The following NCBP2 variants were observed in gnomAD, a reference collection of about 807,000 sequenced individuals.
NCBP2 encodes the protein nuclear cap binding protein subunit 2.
In NCBP2, 8 loss-of-function variants were observed where a neutral mutation model predicts 21.5. That is an observed-to-expected ratio of 0.37 (90% CI 0.22 to 0.67). The LOEUF (loss-of-function observed/expected upper bound fraction) is 0.67. Ranked by LOEUF, NCBP2 falls within the 30% of genes least tolerant of loss-of-function variation. The probability of loss-of-function intolerance (pLI) is 0.56; values close to 1 mark genes in which losing one functional copy is unlikely to be tolerated. For missense variants in NCBP2, 127 were observed against 206.9 expected (o/e 0.61, Z 2.37); for synonymous variants, 92 against 75.8 (o/e 1.21, Z -1.11).
In NCBP2 at chr3:196,936,846, C is replaced by T; in HGVS notation, c.*165G>A. The stretch of plus-strand genomic sequence containing the variant: ...AAGATTCTCAGACAAGAATTAAAGG[C>T]ATTCTTTTGGATTCTGTCCTTTAAT... On this transcript the variant is annotated 3_prime_UTR_variant, in exon 4 of 4. Transcript: ENST00000321256. 2 of 633,888 alleles carry T rather than the reference C, an allele frequency of 3.2e-6. No homozygotes were observed. The highest frequency in any genetic ancestry group is 5.6e-6 in the Non-Finnish European group (2 of 359,000). 39.3% of individuals were successfully genotyped at this position (633,888 alleles called of 1,614,324 possible).
intron 1 of NCBP2, among the ~76,000 whole-genome samples, chr3:196,940,752 A>C (rs1217438401): frequency 6.6e-6 from 1 of 152,250 alleles, no homozygotes; most frequent in East Asian, 1.9e-4. Context: ...TTTAAGTTCA[A>C]AATGGTCAGG....
chr3:196,941,959 C>T (rs1174616458), intron 1 of NCBP2: 1 of 1,536,352 alleles, frequency 6.5e-7, no homozygotes, highest in Admixed American at 2.0e-5. Flanking sequence ...GTAACACCAT[C>T]CTCCCAGAGA....
rs1716213655 is a variant in NCBP2, at chr3:196,935,484, TTA to T, written c.*1525_*1526del. On this transcript the variant is annotated 3_prime_UTR_variant, in exon 4 of 4. Transcript: ENST00000321256. Reference sequence around the variant, plus strand: ...CCACTGTCTCCTGTAGAAATCTGAGTTATGTTGTTTTACTACAAAAGAATATA... The same window carrying T: ...CCACTGTCTCCTGTAGAAATCTGAGTTGTTGTTTTACTACAAAAGAATATA... 6.6e-6 allele frequency: 1 copy of T among 152,222 alleles called. No individual in the cohort carries two copies. Among genetic ancestry groups the T allele is most frequent in the African/African-American group, 2.4e-5 (1 of 41,474 alleles). The allele number at this position is 152,222 out of a possible 1,614,324, so 9.4% of individuals were successfully genotyped here.
At chr3:196,941,661 G>A (rs907027765) in intron 1 of NCBP2, 14 of 558,074 alleles carry the variant, frequency 2.5e-5, no homozygotes, top group Non-Finnish European at 4.1e-5. Flanking sequence ...TAAATAATTG[G>A]GTTAATGAGT....
chr3:196,941,515 C>T, intron 1 of NCBP2: 1 of 209,482 alleles, frequency 4.8e-6, no homozygotes, highest in East Asian at 1.2e-4. Context: ...CTTCCTTTCC[C>T]AGTCACAAGG....
intron 1 of NCBP2, chr3:196,941,894 C>A: frequency 2.0e-6 from 3 of 1,535,612 alleles, no homozygotes; most frequent in Non-Finnish European, 1.7e-6. Flanking sequence ...CGAAGCTTCC[C>A]CGAGGGCGGA....
chr3:196,941,155 T>C (rs1007719716), intron 1 of NCBP2: 3 of 152,108 alleles, frequency 2.0e-5, no homozygotes, highest in African/African-American at 7.2e-5. Flanking sequence ...TGGAGTGCAG[T>C]GGCGCGATCT....
In NCBP2 at chr3:196,936,991, A is replaced by G; in HGVS notation, c.*20T>C. On this transcript the variant is annotated 3_prime_UTR_variant, in exon 4 of 4. Transcript: ENST00000321256. ...TCAACAGGCCAAAGGAGTGTTTGTC[A>G]CTGACAGAGCTCTCACCACTCACTG... The G allele has an allele frequency of 6.2e-7, 1 of 1,612,758 alleles. No homozygotes were observed.
chr3:196,935,600 C>A lies in NCBP2; in HGVS notation c.*1411G>T, dbSNP rs1359240809. The A allele has an allele frequency of 6.6e-6, 1 of 152,212 alleles. No individual in the cohort carries two copies. The highest frequency in any genetic ancestry group is 1.9e-4 in the East Asian group (1 of 5,204). The allele number at this position is 152,212 out of a possible 1,614,324, so 9.4% of individuals were successfully genotyped here. On this transcript the variant is annotated 3_prime_UTR_variant, in exon 4 of 4. Transcript: ENST00000321256. ...TGCAAAGTTTCTTCCTAAGCACTTACAACTAGTTACAGCTCTTTTAAAAAT... is the reference window on the plus strand; with the variant it reads ...TGCAAAGTTTCTTCCTAAGCACTTAAAACTAGTTACAGCTCTTTTAAAAAT...
chr3:196,937,138 G>C (rs2108878197), intron 3 of NCBP2, 56 bp from the exon 4 acceptor site: 1 of 1,504,274 alleles, frequency 6.6e-7, no homozygotes, highest in Non-Finnish European at 9.3e-7. Context: ...TAACAAATAT[G>C]CCTCCCACAA....
chr3:196,940,506 G>A (rs1012297035), intron 1 of NCBP2, among the ~76,000 whole-genome samples: 1 of 151,752 alleles, frequency 6.6e-6, no homozygotes, highest in Non-Finnish European at 1.5e-5. Flanking sequence ...TGGAAAGGAG[G>A]CATCTTCTTT....
Position 196,937,143 on chromosome 3 carries a change from C to G in NCBP2, c.400-61G>C. On this transcript the variant is annotated intron_variant, in intron 3 of 3. Coordinates refer to ENST00000321256, the MANE Select transcript of NCBP2 (RefSeq NM_007362.5). ...AAGAATGGTGTAACAAATATGCCTC[C>G]CACAAACATGTTAGACAAACAGTGA... 2.0e-6 allele frequency: 3 copies of G among 1,480,224 alleles called. No homozygotes were observed. The South Asian group carries it at 3.4e-5, about 17-fold the overall frequency. The allele number at this position is 1,480,224 out of a possible 1,614,324, so 91.7% of individuals were successfully genotyped here. A position where few individuals can be genotyped will look rare whatever the true frequency, so the allele number is the denominator to read the frequency against.
At chr3:196,941,521 C>T (rs1356399151) in intron 1 of NCBP2, 4 of 216,778 alleles carry the variant, frequency 1.8e-5, no homozygotes, top group Non-Finnish European at 3.7e-5. Context: ...TTCCCAGTCA[C>T]AAGGGGATTT....
chr3:196,937,222 G>T, intron 3 of NCBP2, 140 bp from the exon 4 acceptor site: 1 of 890,776 alleles, frequency 1.1e-6, no homozygotes, highest in Non-Finnish European at 1.8e-6. Context: ...ATGCACTTCA[G>T]CTCACTTCAG....
chr3:196,936,220 C>T lies in NCBP2; in HGVS notation c.*791G>A, dbSNP rs866384592. On this transcript the variant is annotated 3_prime_UTR_variant, in exon 4 of 4. Transcript: ENST00000321256. ...TATAACACTGACATCTTTTGAAAAA[C>T]GTGTTAGTAAATACTCAAGTTCTGG... The T allele has an allele frequency of 6.6e-6, 1 of 152,134 alleles. No individual in the cohort carries two copies. The highest frequency in any genetic ancestry group is 2.4e-5 in the African/African-American group (1 of 41,418). The allele number at this position is 152,134 out of a possible 1,614,324, so 9.4% of individuals were successfully genotyped here.
At chr3:196,938,011 G>A in intron 2 of NCBP2, 1 of 187,022 alleles carries the variant, frequency 5.3e-6, no homozygotes, top group Non-Finnish European at 1.1e-5. Flanking sequence ...ATCAAGAGAA[G>A]GTCACCGTGC....
At chr3:196,941,693 C>T (rs1001268638) in intron 1 of NCBP2, 3 of 589,890 alleles carry the variant, frequency 5.1e-6, no homozygotes, top group African/African-American at 1.9e-5. Flanking sequence ...AACCCCCAAC[C>T]GTATTCCATC....
In NCBP2 at chr3:196,936,934, G is replaced by C; in HGVS notation, c.*77C>G. ...CAAATCTTGGTAAAAATGGGCTCGT[G>C]TGCAGACTTTAGGTGATGTTCTTCA... On this transcript the variant is annotated 3_prime_UTR_variant, in exon 4 of 4. Coordinates refer to ENST00000321256, the MANE Select transcript of NCBP2 (RefSeq NM_007362.5). 7.4e-7 allele frequency: 1 copy of C among 1,355,384 alleles called. No homozygotes were observed. Among genetic ancestry groups the C allele is most frequent in the South Asian group, 1.2e-5 (1 of 85,928 alleles). 84.0% of individuals were successfully genotyped at this position (1,355,384 alleles called of 1,614,324 possible).
chr3:196,942,181 C>T, intron 1 of NCBP2: 1 of 1,456,408 alleles, frequency 6.9e-7, no homozygotes, highest in Non-Finnish European at 9.0e-7. Flanking sequence ...GGCTGGGGTA[C>T]AGGGAGCGGC....
Sources: gnomAD v4.1 joint callset for allele counts (sites outside exome capture counted in the v4.1 genomes callset) on GRCh38, gnomAD v4.1.1 for gene constraint, MANE v1.5 for transcripts, NCBI Gene and HGNC (gene_info 2026-07-23, HGNC 2026-07-21) for gene names.